Variants in CELF4 observed in about 807,000 individuals in gnomAD.
CELF4 encodes CUGBP Elav-like family member 4.
CELF4 carries 18 observed loss-of-function variants against 59.9 expected under a neutral mutation model. The observed-to-expected ratio is 0.30, with a 90% CI of 0.21 to 0.45. CELF4 has a LOEUF of 0.45. Among genes scored for constraint, CELF4 ranks in the 20% least tolerant of loss-of-function variants. The pLI, the probability that CELF4 is intolerant of heterozygous loss-of-function variation, is 1.00. For synonymous variants in CELF4, 261 were observed against 267.1 expected, an observed-to-expected ratio of 0.98 and a Z score of 0.22; for missense variants, 456 against 689.0, an observed-to-expected ratio of 0.66 and a Z score of 3.79.
chr18:37,345,524 A>G (rs973940861), intron 2 of CELF4, among the ~76,000 whole-genome samples: 2 of 152,066 alleles, frequency 1.3e-5, no homozygotes, highest in African/African-American at 4.8e-5. Context: ...AGCAACCAGC[A>G]CATGGTAGAT....
In CELF4 at chr18:37,408,491, CCGG is replaced by C. The variant is rs1406439183; in HGVS notation, c.369+77031_369+77033del. Among the ~76,000 whole-genome samples the C allele has an allele frequency of 8.3e-4, 34 of 40,994 alleles. 1 individual carries two copies. In the South Asian group the frequency reaches 9.7e-3, roughly 12 times the overall value. The allele number at this position is 40,994 out of a possible 152,430, so 26.9% of individuals were successfully genotyped here. A position where few individuals can be genotyped will look rare whatever the true frequency, so the allele number is the denominator to read the frequency against. On this transcript the variant is annotated intron_variant, in intron 2 of 12. Transcript: ENST00000420428. ...TTTTTTTTTCCCCCTTTGGTTGGTG[CCGG>C]GGGGGGGCGCGGTGCAGGAGGATGT...
At chr18:37,378,108 G>A (rs187234520) in intron 2 of CELF4, among the ~76,000 whole-genome samples, 20 of 152,270 alleles carry the variant, frequency 1.3e-4, no homozygotes, top group Admixed American at 1.3e-3. Context: ...AAAGAGAGCA[G>A]CTCCCACTCA....
chr18:37,278,042 T>C (rs1196540819), intron 3 of CELF4, among the ~76,000 whole-genome samples: 3 of 152,260 alleles, frequency 2.0e-5, no homozygotes. Context: ...TTAAAATTCA[T>C]CCACATGTGC....
intron 1 of CELF4, among the ~76,000 whole-genome samples, chr18:37,511,282 G>C (rs1256875226): frequency 6.6e-6 from 1 of 152,098 alleles, no homozygotes; most frequent in African/African-American, 2.4e-5. Flanking sequence ...GGTGCCCACT[G>C]TGTGCTGCCC....
chr18:37,328,894 G>A (rs1159453052), intron 2 of CELF4, among the ~76,000 whole-genome samples: 1 of 152,182 alleles, frequency 6.6e-6, no homozygotes, highest in African/African-American at 2.4e-5. Context: ...AGGACCCCTT[G>A]TTCCAAGCGC....
At chr18:37,307,240 A>T (rs2096460322) in intron 3 of CELF4, among the ~76,000 whole-genome samples, 1 of 152,176 alleles carries the variant, frequency 6.6e-6, no homozygotes, top group Non-Finnish European at 1.5e-5. Context: ...GGACCTTCTC[A>T]TAGCTCAAGG....
At chr18:37,561,049 G>A (rs2099986381) in intron 1 of CELF4, among the ~76,000 whole-genome samples, 1 of 152,174 alleles carries the variant, frequency 6.6e-6, no homozygotes, top group African/African-American at 2.4e-5. Flanking sequence ...ATGTGGTGGT[G>A]AGTATATTTT....
intron 1 of CELF4, among the ~76,000 whole-genome samples, chr18:37,521,912 T>C (rs1335210250): frequency 1.3e-5 from 2 of 152,208 alleles, no homozygotes; most frequent in Non-Finnish European, 2.9e-5. Context: ...TCTTTATTTC[T>C]CTTAAGTCTC....
chr18:37,314,557 C>A (rs756468469), intron 3 of CELF4, among the ~76,000 whole-genome samples: 3 of 152,158 alleles, frequency 2.0e-5, no homozygotes, highest in Non-Finnish European at 4.4e-5. Context: ...GGAAGATGAG[C>A]AATTCTGCAG....
intron 2 of CELF4, among the ~76,000 whole-genome samples, chr18:37,393,206 T>A (rs2099187755): frequency 6.6e-6 from 1 of 152,142 alleles, no homozygotes; most frequent in South Asian, 2.1e-4. Flanking sequence ...GATGCCCTCC[T>A]GCTACCTCCT....
intron 3 of CELF4, among the ~76,000 whole-genome samples, chr18:37,321,268 G>A (rs931204876): frequency 2.6e-5 from 4 of 152,202 alleles, no homozygotes; most frequent in African/African-American, 7.2e-5. Flanking sequence ...ACAAGCGTCT[G>A]TGGAGTGAGG....
chr18:37,337,793 C>T (rs2097827761), intron 2 of CELF4, among the ~76,000 whole-genome samples: 1 of 152,222 alleles, frequency 6.6e-6, no homozygotes, highest in Admixed American at 6.5e-5. Flanking sequence ...CCTACTTCCA[C>T]CTCTATGCTC....
At chr18:37,370,802 C>T (rs1258465936) in intron 2 of CELF4, among the ~76,000 whole-genome samples, 2 of 152,174 alleles carry the variant, frequency 1.3e-5, no homozygotes, top group Non-Finnish European at 2.9e-5. Flanking sequence ...CATGTAAAAT[C>T]CTTCAGCGTG....
chr18:37,469,467 C>T (rs1030992370), intron 2 of CELF4, among the ~76,000 whole-genome samples: 3 of 152,128 alleles, frequency 2.0e-5, no homozygotes, highest in African/African-American at 7.2e-5. Context: ...CCAGCAGACC[C>T]GCTGAGTTAG....
At position 37,545,824 on chromosome 18, in the gene CELF4, C is replaced by G. The variant is rs546039396; in HGVS notation, c.286+19532G>C. Among the ~76,000 whole-genome samples, 4 of 152,186 alleles carry G rather than the reference C, an allele frequency of 2.6e-5. No homozygotes were observed. In the East Asian group the frequency reaches 7.8e-4, roughly 30 times the overall value. On this transcript the variant is annotated intron_variant, in intron 1 of 12. Transcript: ENST00000420428. ...CAAGAAGAGACCTCAGGGCTACCTT[C>G]TGGGGAGCTGACCCCCTCTTCTTCC... is the stretch of plus-strand genomic sequence containing the variant.
chr18:37,549,063 A>C (rs1430536909), intron 1 of CELF4, among the ~76,000 whole-genome samples: 2 of 152,248 alleles, frequency 1.3e-5, no homozygotes, highest in Non-Finnish European at 2.9e-5. Context: ...AAGCGGGGCC[A>C]GTCGCTCCCA....
intron 2 of CELF4, among the ~76,000 whole-genome samples, chr18:37,468,118 G>A (rs182802325): frequency 2.8e-3 from 425 of 152,358 alleles, no homozygotes; most frequent in African/African-American, 9.6e-3. Flanking sequence ...GTGGAAGAGG[G>A]AGAGCTCCAT....
At chr18:37,441,297 G>A (rs1300648503) in intron 2 of CELF4, among the ~76,000 whole-genome samples, 1 of 151,994 alleles carries the variant, frequency 6.6e-6, no homozygotes, top group Non-Finnish European at 1.5e-5. Flanking sequence ...GTGTGTGTGT[G>A]TGTGTGTGTG....
intron 2 of CELF4, among the ~76,000 whole-genome samples, chr18:37,418,612 G>T (rs776171632): frequency 4.6e-5 from 7 of 152,248 alleles, no homozygotes; most frequent in Admixed American, 2.0e-4. Flanking sequence ...TCCTCCCACA[G>T]TGTGACCTAG....
Sources: gnomAD v4.1 joint callset for allele counts (sites outside exome capture counted in the v4.1 genomes callset) on GRCh38, gnomAD v4.1.1 for gene constraint, MANE v1.5 for transcripts, NCBI Gene and HGNC (gene_info 2026-07-23, HGNC 2026-07-21) for gene names.